Variants in CCDC138 observed in about 807,000 individuals in gnomAD.
CCDC138 encodes coiled-coil domain-containing protein 138.
Under a neutral mutation model 82.3 loss-of-function variants are expected in CCDC138, and 66 were observed. That is an observed-to-expected ratio of 0.80 (90% CI 0.66 to 0.98). CCDC138 has a LOEUF of 0.98. Among genes scored for constraint, CCDC138 ranks in the 50% least tolerant of loss-of-function variants. The pLI, the probability that CCDC138 is intolerant of heterozygous loss-of-function variation, is 0.00. For synonymous variants in CCDC138, 297 were observed against 265.4 expected, an observed-to-expected ratio of 1.12 and a Z score of -1.16; for missense variants, 816 against 758.9, an observed-to-expected ratio of 1.08 and a Z score of -0.88.
intron 9 of CCDC138, among the ~76,000 whole-genome samples, chr2:108,814,594 C>T (rs943103825): frequency 5.4e-5 from 8 of 149,244 alleles, no homozygotes; most frequent in African/African-American, 2.0e-4. Flanking sequence ...TTAATGTTGC[C>T]TATTTATTAA....
At position 108,816,048 on chromosome 2, in the gene CCDC138, A is replaced by G. The variant is rs1684742304; in HGVS notation, c.1149A>G (p.Lys383=). The G allele has an allele frequency of 6.2e-7, 1 of 1,613,810 alleles. No individual in the cohort carries two copies. The highest frequency in any genetic ancestry group is 8.5e-7 in the Non-Finnish European group (1 of 1,179,934). ...VKHEESGMDG[K]KPQLKFASQR... ...ATGAAGAATCTGGAATGGATGGTAA[A>G]AAACCACAACTCAAATTTGCTTCCC... is the stretch of plus-strand genomic sequence containing the variant. The change falls in exon 10 of 15, where the codon AAA becomes AAG. Residue 383 remains lysine, a synonymous_variant. Transcript: ENST00000295124.
rs55661786 is a variant in CCDC138 at position 108,811,247 on chromosome 2, C to CTTTT, written c.856-1372_856-1369dup. Among the ~76,000 whole-genome samples, 67 of 113,892 alleles carry CTTTT rather than the reference C, an allele frequency of 5.9e-4. 1 individual carries two copies. The highest frequency in any genetic ancestry group is 2.1e-3 in the African/African-American group (54 of 26,268). 74.7% of individuals were successfully genotyped at this position (113,892 alleles called of 152,430 possible). On this transcript the variant is annotated intron_variant, in intron 7 of 14. Coordinates refer to ENST00000295124, the MANE Select transcript of CCDC138 (RefSeq NM_144978.3). The stretch of plus-strand genomic sequence containing the variant: ...CTCCCTTTTCTTTCTTTCTCTCTCT[C>CTTTT]TTTTTTTTTTTTTTTGACTGTCTCC...
intron 10 of CCDC138, among the ~76,000 whole-genome samples, chr2:108,834,068 G>A (rs1688177761): frequency 6.6e-6 from 1 of 151,110 alleles, no homozygotes; most frequent in Admixed American, 6.6e-5. Flanking sequence ...ACTTTTTGCA[G>A]TAGATCGAAT....
chr2:108,868,088 T>C (rs1694700849), intron 13 of CCDC138, among the ~76,000 whole-genome samples: 1 of 152,326 alleles, frequency 6.6e-6, no homozygotes, highest in South Asian at 2.1e-4. Context: ...CCAAAGAGTG[T>C]GCTAACTTGT....
At position 108,812,811 on chromosome 2, in the gene CCDC138, C is replaced by G. The variant is rs778338531; in HGVS notation, c.934-9C>G. 2 of 1,612,250 alleles carry G rather than the reference C, an allele frequency of 1.2e-6. No individual in the cohort carries two copies. Among genetic ancestry groups the G allele is most frequent in the Admixed American group, 3.3e-5 (2 of 59,864 alleles). On this transcript the variant is annotated splice_polypyrimidine_tract_variant and intron_variant, in intron 8 of 14. Transcript: ENST00000295124. Reference sequence around the variant, plus strand: ...TTGTTCTTTAATTCACGCATATATACTGTTGCAGAGGAAGTACGAGTTTAT... The same window carrying G: ...TTGTTCTTTAATTCACGCATATATAGTGTTGCAGAGGAAGTACGAGTTTAT...
intron 7 of CCDC138, among the ~76,000 whole-genome samples, chr2:108,809,188 T>C (rs1347988162): frequency 6.6e-6 from 1 of 152,234 alleles, no homozygotes; most frequent in Non-Finnish European, 1.5e-5. Flanking sequence ...TCTGTTTTTA[T>C]GCCAATACTA....
intron 10 of CCDC138, among the ~76,000 whole-genome samples, chr2:108,832,066 G>A (rs1340131584): frequency 6.6e-6 from 1 of 151,230 alleles, no homozygotes; most frequent in Non-Finnish European, 1.5e-5. Context: ...GTCTCACTCT[G>A]TCGCCCAGGC....
intron 10 of CCDC138, among the ~76,000 whole-genome samples, chr2:108,817,980 A>G (rs961265528): frequency 1.3e-5 from 2 of 152,178 alleles, no homozygotes; most frequent in African/African-American, 4.8e-5. Context: ...GGCCTGCCGT[A>G]TTAAAGTTCT....
At chr2:108,874,871 C>T (rs1046015498) in intron 14 of CCDC138, among the ~76,000 whole-genome samples, 2 of 151,888 alleles carry the variant, frequency 1.3e-5, no homozygotes, top group African/African-American at 4.8e-5. Context: ...TGCCATGAAG[C>T]TGCAATAACA....
In CCDC138 at chr2:108,794,656, A is replaced by T; in HGVS notation, c.511A>T (p.Ser171Cys). 6.2e-7 allele frequency: 1 copy of T among 1,614,132 alleles called. No individual in the cohort carries two copies. Among genetic ancestry groups the T allele is most frequent in the East Asian group, 2.2e-5 (1 of 44,870 alleles). Reference sequence around the variant, plus strand: ...AAAATCTAAAGCATCAGACAAGCGGAGTTTACTTCCACATCAGATCAGTCA... The same window carrying T: ...AAAATCTAAAGCATCAGACAAGCGGTGTTTACTTCCACATCAGATCAGTCA... ...CPKSKASDKR[S>C]LLPHQISQIY... Residue 171 changes from serine to cysteine, a missense_variant, in exon 5 of 15, where the codon AGT becomes TGT. Transcript: ENST00000295124.
At chr2:108,826,125 G>C (rs1240522267) in intron 10 of CCDC138, among the ~76,000 whole-genome samples, 1 of 152,036 alleles carries the variant, frequency 6.6e-6, no homozygotes, top group Non-Finnish European at 1.5e-5. Context: ...TGAGTTTTTT[G>C]TAGGAGGTTT....
intron 4 of CCDC138, among the ~76,000 whole-genome samples, chr2:108,793,778 A>G (rs1266673303): frequency 2.7e-5 from 4 of 148,418 alleles, no homozygotes; most frequent in Non-Finnish European, 6.0e-5. Flanking sequence ...TTTTTTTTGT[A>G]TTTTTAGTAG....
rs751372603 is a variant in CCDC138, at chr2:108,788,069, G to T, written c.131G>T (p.Arg44Ile). 30 of 1,599,300 alleles carry T rather than the reference G, an allele frequency of 1.9e-5. No individual in the cohort carries two copies. Among genetic ancestry groups the T allele is most frequent in the Non-Finnish European group, 2.6e-5 (30 of 1,174,628 alleles). ...FSNFYQSKYK[R>I]RTLTSPGDLD... ...AATTTTTATCAGTCTAAGTATAAGA[G>T]AAGAACTCTAACCTCCCCAGGTAAG... Residue 44 changes from arginine (R) to isoleucine (I), a missense_variant, in exon 2 of 15, where the codon AGA (arginine) becomes ATA (isoleucine). Coordinates refer to ENST00000295124, the MANE Select transcript of CCDC138 (RefSeq NM_144978.3).
intron 3 of CCDC138, 24 bp downstream of exon 3, chr2:108,788,990 G>A (rs1475521662): frequency 5.0e-6 from 8 of 1,612,222 alleles, no homozygotes; most frequent in Non-Finnish European, 6.8e-6. Flanking sequence ...AAACTTTACT[G>A]TTGCTACCCC....
Position 108,816,074 on chromosome 2 carries a change from A to G in CCDC138, c.1175A>G (p.Gln392Arg), listed in dbSNP as rs1229774000. 6.2e-7 allele frequency: 1 copy of G among 1,612,786 alleles called. No individual in the cohort carries two copies. The highest frequency in any genetic ancestry group is 1.1e-5 in the South Asian group (1 of 90,756). ...AAACCACAACTCAAATTTGCTTCCCAGAGAAATGATATTCAGGAGAAGTGT... is the reference window on the plus strand; with the variant it reads ...AAACCACAACTCAAATTTGCTTCCCGGAGAAATGATATTCAGGAGAAGTGT... ...GKKPQLKFASQRNDIQEKCVK... is the reference protein window; with the variant it reads ...GKKPQLKFASRRNDIQEKCVK... Residue 392 changes from glutamine (Q) to arginine (R), a missense_variant, in exon 10 of 15, where the codon CAG becomes CGG. Physicochemically the swap from Gln to Arg is conservative, Grantham distance 43. Transcript: ENST00000295124.
intron 11 of CCDC138, among the ~76,000 whole-genome samples, chr2:108,844,062 A>C (rs11123714): frequency 0.71 from 106,704 of 150,996 alleles, 41,065 homozygotes; most frequent in East Asian, 0.9. Flanking sequence ...GGGTCTCCCT[A>C]TGTTGCCCAG....
chr2:108,822,903 C>T (rs528363543), intron 10 of CCDC138, among the ~76,000 whole-genome samples: 5 of 151,922 alleles, frequency 3.3e-5, no homozygotes, highest in African/African-American at 9.7e-5. Flanking sequence ...ATTGACAAAC[C>T]GCTAGCTAGA....
chr2:108,803,584 T>A (rs1435208722), intron 6 of CCDC138, among the ~76,000 whole-genome samples: 1 of 152,204 alleles, frequency 6.6e-6, no homozygotes, highest in East Asian at 1.9e-4. Flanking sequence ...GGACTACAGA[T>A]GTGCACCACT....
At chr2:108,859,470 G>T (rs760088631) in intron 13 of CCDC138, among the ~76,000 whole-genome samples, 2 of 151,996 alleles carry the variant, frequency 1.3e-5, no homozygotes, top group Non-Finnish European at 2.9e-5. Context: ...TAAATTTTTT[G>T]CCTAGGCCAA....
Sources: allele counts gnomAD v4.1 joint callset (sites outside exome capture counted in the v4.1 genomes callset), GRCh38; gene constraint gnomAD v4.1.1; transcripts MANE v1.5; gene names NCBI Gene and HGNC (gene_info 2026-07-23, HGNC 2026-07-21).